The following APOL6 variants were observed in gnomAD, a reference collection of about 807,000 sequenced individuals.
APOL6 encodes apolipoprotein L, 6.
A neutral mutation model predicts 2.4 loss-of-function variants in APOL6; 1 was observed. That is an observed-to-expected ratio of 0.41 (90% CI 0.15 to 1.94). The LOEUF (loss-of-function observed/expected upper bound fraction) is 1.94. APOL6 is among the 30% of genes most tolerant of loss of function. The pLI is 0.30. For missense variants in APOL6, 438 were observed against 429.2 expected (o/e 1.02, Z -0.18); for synonymous variants, 189 against 169.3 (o/e 1.12, Z -0.90).
chr22:35,649,391 T>G (rs1924629221), intron 1 of APOL6, among the ~76,000 whole-genome samples: 1 of 148,432 alleles, frequency 6.7e-6, no homozygotes, highest in Non-Finnish European at 1.5e-5. Flanking sequence ...TGAGCAGTGA[T>G]CGCACCACTG....
rs938014608 is a variant in APOL6, at chr22:35,656,276, G to C, written c.-47-103G>C. On this transcript the variant is annotated intron_variant, in intron 1 of 2. Coordinates refer to ENST00000409652, the MANE Select transcript of APOL6 (RefSeq NM_030641.4). The stretch of plus-strand genomic sequence containing the variant: ...TTTGCAAATATTTAGTATGCTATGT[G>C]GTTGTTATTTTGATAGTACATAATC... 100 of 841,858 alleles carry C rather than the reference G, an allele frequency of 1.2e-4. No individual in the cohort carries two copies. In the East Asian group the frequency reaches 2.2e-3, roughly 19 times the overall value. 52.1% of individuals were successfully genotyped at this position (841,858 alleles called of 1,614,324 possible).
At chr22:35,654,222 T>C (rs1233679581) in intron 1 of APOL6, among the ~76,000 whole-genome samples, 3 of 152,070 alleles carry the variant, frequency 2.0e-5, no homozygotes, top group Non-Finnish European at 4.4e-5. Context: ...TACACAGGCA[T>C]GATGGATTAA....
At position 35,659,011 on chromosome 22, in the gene APOL6, C is replaced by T. The variant is rs371967602; in HGVS notation, c.447C>T (p.Tyr149=). The T allele has an allele frequency of 4.2e-5, 68 of 1,613,754 alleles. No homozygotes were observed. The African/African-American group carries it at 4.8e-4, about 11-fold the overall frequency. ...QARAEDILPT[Y]DQEDREDEEE... is the part of the protein sequence containing the mutation. ...GGGCGGAAGACATACTGCCCACCTA[C>T]GACCAAGAGGACAGGGAGGATGAGG... Residue 149 remains tyrosine, a synonymous_variant, in exon 3 of 3, where the codon TAC becomes TAT. Transcript: ENST00000409652.
intron 1 of APOL6, among the ~76,000 whole-genome samples, chr22:35,650,824 G>C (rs368744502): frequency 2.0e-5 from 3 of 152,132 alleles, no homozygotes; most frequent in African/African-American, 7.2e-5. Context: ...CAGCTACTTG[G>C]TAGGCTGAAG....
At position 35,665,509 on chromosome 22, in the gene APOL6, A is replaced by C. The variant is rs1243130997; in HGVS notation, c.*5913A>C. 3.3e-5 allele frequency: 5 copies of C among 152,208 alleles called. No homozygotes were observed. In the East Asian group the frequency reaches 9.6e-4, roughly 29 times the overall value. The allele number at this position is 152,208 out of a possible 1,614,324, so 9.4% of individuals were successfully genotyped here. On this transcript the variant is annotated 3_prime_UTR_variant, in exon 3 of 3. Transcript: ENST00000409652. ...AGTAAGTTCAGTTTCTCTATGAACT[A>C]ATCATTCAAGTCAAAGGCACACTGA...
In APOL6 at chr22:35,659,251, G is replaced by A. The variant is rs996121781; in HGVS notation, c.687G>A (p.Met229Ile). The A allele has an allele frequency of 1.2e-5, 20 of 1,614,020 alleles. No homozygotes were observed. Among genetic ancestry groups the A allele is most frequent in the Non-Finnish European group, 1.7e-5 (20 of 1,180,032 alleles). Residue 229 changes from methionine (M) to isoleucine (I), a missense_variant, in exon 3 of 3, where the codon ATG becomes ATA. Met to Ile is a conservative substitution (Grantham distance 10). Transcript: ENST00000409652. ...QKAFAGTTLA[M>I]TKNARVLGGV... is the part of the protein sequence containing the mutation. ...CCTTTGCGGGAACAACACTGGCGAT[G>A]ACCAAAAATGCTCGCGTGCTGGGAG...
rs1464273467 is a variant in APOL6, at chr22:35,658,611, T to A, written c.51-4T>A. ...AGCAAAATCTTTATTTCATTTCTCCTCAGGGATGAGGATGACGCTCCTCTG... is the reference window on the plus strand; with the variant it reads ...AGCAAAATCTTTATTTCATTTCTCCACAGGGATGAGGATGACGCTCCTCTG... On this transcript the variant is annotated splice_region_variant and splice_polypyrimidine_tract_variant and intron_variant, in intron 2 of 2. Transcript: ENST00000409652. 6.3e-7 allele frequency: 1 copy of A among 1,593,978 alleles called. No homozygotes were observed. Among genetic ancestry groups the A allele is most frequent in the South Asian group, 1.1e-5 (1 of 89,136 alleles).
chr22:35,656,554 A>G (rs1175299197), intron 2 of APOL6, 79 bp downstream of exon 2: 3 of 1,520,128 alleles, frequency 2.0e-6, no homozygotes, highest in African/African-American at 2.7e-5. Context: ...TAAGGAATAC[A>G]TGTGCTCTGA....
intron 2 of APOL6, 134 bp downstream of exon 2, chr22:35,656,609 T>C: frequency 4.0e-6 from 4 of 1,001,032 alleles, no homozygotes; most frequent in Non-Finnish European, 6.1e-6. Context: ...CTGGTCTCCA[T>C]TATGCATATG....
Position 35,659,799 on chromosome 22 carries a change from T to A in APOL6, c.*203T>A. The A allele has an allele frequency of 2.2e-6, 2 of 895,826 alleles. No individual in the cohort carries two copies. The highest frequency in any genetic ancestry group is 1.6e-6 in the Non-Finnish European group (1 of 613,838). 55.5% of individuals were successfully genotyped at this position (895,826 alleles called of 1,614,324 possible). On this transcript the variant is annotated 3_prime_UTR_variant, in exon 3 of 3. Coordinates refer to ENST00000409652, the MANE Select transcript of APOL6 (RefSeq NM_030641.4). ...TGTTTGTTTGTTTTGAGACAGGGTCTCTGTTGCCCAGGCTGGAGTGCAGTG... is the reference window on the plus strand; with the variant it reads ...TGTTTGTTTGTTTTGAGACAGGGTCACTGTTGCCCAGGCTGGAGTGCAGTG...
rs772615489 is a variant in APOL6, at chr22:35,659,107, C to A, written c.543C>A (p.Ala181=). ...IYNLRNTLKY[A]KKNVRAFWKL... Reference sequence around the variant, plus strand: ...ATCTTAGAAACACCTTGAAGTATGCCAAGAAAAACGTCCGTGCATTTTGGA... The same window carrying A: ...ATCTTAGAAACACCTTGAAGTATGCAAAGAAAAACGTCCGTGCATTTTGGA... Residue 181 remains alanine, a synonymous_variant, in exon 3 of 3, where the codon GCC becomes GCA. Coordinates refer to ENST00000409652, the MANE Select transcript of APOL6 (RefSeq NM_030641.4). 29 of 1,613,308 alleles carry A rather than the reference C, an allele frequency of 1.8e-5. No individual in the cohort carries two copies. Among genetic ancestry groups the A allele is most frequent in the Non-Finnish European group, 2.5e-5 (29 of 1,179,516 alleles).
In APOL6 at chr22:35,659,459, AG is replaced by A; in HGVS notation, c.898del (p.Ala300ProfsTer8). The A allele has an allele frequency of 6.2e-7, 1 of 1,613,532 alleles. No individual in the cohort carries two copies. Among genetic ancestry groups the A allele is most frequent in the Non-Finnish European group, 8.5e-7 (1 of 1,179,606 alleles). ...YKSLQQKVRS[R>X]ARGVGKDLTG... is the part of the protein sequence containing the mutation. The stretch of plus-strand genomic sequence containing the variant: ...GAGCTTGCAGCAGAAAGTGAGGTCA[AG>A]GGCCAGAGGGGTGGGGAAGGATTTA... On this transcript the variant is annotated frameshift_variant, in exon 3 of 3. Transcript: ENST00000409652. LOFTEE classifies it low-confidence loss of function (END_TRUNC).
chr22:35,654,114 G>A (rs1196070165), intron 1 of APOL6, among the ~76,000 whole-genome samples: 1 of 152,162 alleles, frequency 6.6e-6, no homozygotes, highest in Non-Finnish European at 1.5e-5. Flanking sequence ...GAGTTCCCAT[G>A]CCCTCTCTGG....
chr22:35,659,137 CAG>C lies in APOL6; in HGVS notation c.576_577del (p.Arg192SerfsTer56), dbSNP rs1271287600. The part of the protein sequence containing the change: ...KKNVRAFWKL[R>X]ANPRLANATK... ...AAAACGTCCGTGCATTTTGGAAACT[CAG>C]AGCCAACCCACGCTTGGCCAATGCT... On this transcript the variant is annotated frameshift_variant, in exon 3 of 3. Coordinates refer to ENST00000409652, the MANE Select transcript of APOL6 (RefSeq NM_030641.4). LOFTEE classifies it low-confidence loss of function (END_TRUNC). 1 of 1,614,222 alleles carries C rather than the reference CAG, an allele frequency of 6.2e-7. No individual in the cohort carries two copies. Among genetic ancestry groups the C allele is most frequent in the Non-Finnish European group, 8.5e-7 (1 of 1,180,052 alleles).
rs1925198564 is a variant in APOL6, at chr22:35,666,849, C to T, written c.*7253C>T. 6.6e-6 allele frequency: 1 copy of T among 152,166 alleles called. No individual in the cohort carries two copies. The highest frequency in any genetic ancestry group is 1.5e-5 in the Non-Finnish European group (1 of 68,016). The allele number at this position is 152,166 out of a possible 1,614,324, so 9.4% of individuals were successfully genotyped here. On this transcript the variant is annotated 3_prime_UTR_variant, in exon 3 of 3. Coordinates refer to ENST00000409652, the MANE Select transcript of APOL6 (RefSeq NM_030641.4). The stretch of plus-strand genomic sequence containing the variant: ...AACTTTTCTTTTGAGCTATTGACAG[C>T]TTTTAACAATTTAGTATACTCCTAT...
rs1179869077 is a variant in APOL6 at position 35,664,396 on chromosome 22, T to G, written c.*4800T>G. ...TTTAGTCCACAGACAATAAGGAGGT[T>G]TGTTTTGGGAAAGGACTGTTATTGT... On this transcript the variant is annotated 3_prime_UTR_variant, in exon 3 of 3. Coordinates refer to ENST00000409652, the MANE Select transcript of APOL6 (RefSeq NM_030641.4). The G allele has an allele frequency of 6.6e-6, 1 of 152,220 alleles. No homozygotes were observed. The highest frequency in any genetic ancestry group is 1.5e-5 in the Non-Finnish European group (1 of 68,034). The allele number at this position is 152,220 out of a possible 1,614,324, so 9.4% of individuals were successfully genotyped here. A position where few individuals can be genotyped will look rare whatever the true frequency, so the allele number is the denominator to read the frequency against.
rs770574588 is a variant in APOL6, at chr22:35,658,726, A to G, written c.162A>G (p.Lys54=). ...REFPRLKEDL[K]GNIDKLRALA... is the part of the protein sequence containing the mutation. Reference sequence around the variant, plus strand: ...TTCCCAGATTGAAAGAAGATCTGAAAGGGAACATTGACAAGCTCCGTGCCC... The same window carrying G: ...TTCCCAGATTGAAAGAAGATCTGAAGGGGAACATTGACAAGCTCCGTGCCC... Residue 54 remains lysine (K), a synonymous_variant, in exon 3 of 3, where the codon AAA becomes AAG. Coordinates refer to ENST00000409652, the MANE Select transcript of APOL6 (RefSeq NM_030641.4). 7 of 1,614,238 alleles carry G rather than the reference A, an allele frequency of 4.3e-6. No individual in the cohort carries two copies. The highest frequency in any genetic ancestry group is 4.2e-6 in the Non-Finnish European group (5 of 1,180,040).
intron 1 of APOL6, 78 bp from the exon 2 acceptor site, chr22:35,656,301 C>T: frequency 8.9e-7 from 1 of 1,128,942 alleles, no homozygotes; most frequent in Middle Eastern, 2.0e-4. Context: ...AGTACATAAT[C>T]CAAAATCCCT....
rs1925079867 is a variant in APOL6, at chr22:35,663,227, A to G, written c.*3631A>G. ...AAAAAACTTTTTTTAAATTTTAATT[A>G]CTATAGGGGCTTTATTTACATAACA... On this transcript the variant is annotated 3_prime_UTR_variant, in exon 3 of 3. Coordinates refer to ENST00000409652, the MANE Select transcript of APOL6 (RefSeq NM_030641.4). 2 of 152,224 alleles carry G rather than the reference A, an allele frequency of 1.3e-5. No homozygotes were observed. Among genetic ancestry groups the G allele is most frequent in the African/African-American group, 4.8e-5 (2 of 41,460 alleles). The allele number at this position is 152,224 out of a possible 1,614,324, so 9.4% of individuals were successfully genotyped here.
Sources: gnomAD v4.1 joint callset for allele counts (sites outside exome capture counted in the v4.1 genomes callset) on GRCh38, gnomAD v4.1.1 for gene constraint, MANE v1.5 for transcripts, NCBI Gene and HGNC (gene_info 2026-07-23, HGNC 2026-07-21) for gene names.